Variants in TNRC6C observed in about 807,000 individuals in gnomAD.
TNRC6C encodes the protein trinucleotide repeat-containing gene 6C protein.
Under a neutral mutation model 153.7 loss-of-function variants are expected in TNRC6C, and 20 were observed. That is an observed-to-expected ratio of 0.13 (90% CI 0.09 to 0.19). The LOEUF (loss-of-function observed/expected upper bound fraction) is 0.19. TNRC6C is among the 10% of genes least tolerant of loss of function. The probability of loss-of-function intolerance (pLI) is 1.00; values close to 1 mark genes in which losing one functional copy is unlikely to be tolerated. For missense variants in TNRC6C, 1,987 were observed against 2,172.0 expected (o/e 0.91, Z 1.69); for synonymous variants, 811 against 841.4 (o/e 0.96, Z 0.63).
At chr17:78,102,400 A>G (rs767366566) in intron 17 of TNRC6C, 74 bp from the exon 21 acceptor site, 84 of 1,381,486 alleles carry the variant, frequency 6.1e-5, no homozygotes, top group Middle Eastern at 4.3e-4. Context: ...ACTTCAGCAC[A>G]ATAAGAAGTG....
chr17:78,093,229 T>C, intron 15 of TNRC6C, 105 bp downstream of exon 17: 1 of 1,260,242 alleles, frequency 7.9e-7, no homozygotes, highest in Non-Finnish European at 1.1e-6. Flanking sequence ...GCTAAGGATC[T>C]GGAAGCGTTA....
chr17:78,072,647 C>G (rs1306645059), intron 6 of TNRC6C, among the ~76,000 whole-genome samples: 1 of 152,136 alleles, frequency 6.6e-6, no homozygotes, highest in African/African-American at 2.4e-5. Flanking sequence ...CTTTGGGAGC[C>G]CAAGGCAGGA....
chr17:78,006,016 A>G (rs559257522), intron 1 of TNRC6C, among the ~76,000 whole-genome samples: 1 of 152,296 alleles, frequency 6.6e-6, no homozygotes, highest in South Asian at 2.1e-4. Context: ...ATGTAGACAC[A>G]TGCACTCTCA....
At chr17:77,986,537 C>T (rs927497960) in intron 1 of TNRC6C, among the ~76,000 whole-genome samples, 2 of 151,718 alleles carry the variant, frequency 1.3e-5, no homozygotes, top group Admixed American at 6.6e-5. Context: ...ATGTTTAAAG[C>T]AATTCTAATT....
intron 2 of TNRC6C, among the ~76,000 whole-genome samples, chr17:78,041,419 C>A (rs1414226700): frequency 6.6e-6 from 1 of 152,150 alleles, no homozygotes; most frequent in African/African-American, 2.4e-5. Context: ...CCTCCTTTGC[C>A]CCCAGTTTCC....
intron 1 of TNRC6C, among the ~76,000 whole-genome samples, chr17:77,982,684 A>T (rs2071097416): frequency 1.3e-5 from 2 of 152,126 alleles, no homozygotes; most frequent in African/African-American, 4.8e-5. Flanking sequence ...ATAAAAAATC[A>T]GCTGGGTGTG....
chr17:78,018,850 G>A (rs2071779781), intron 1 of TNRC6C, among the ~76,000 whole-genome samples: 1 of 152,052 alleles, frequency 6.6e-6, no homozygotes, highest in Admixed American at 6.6e-5. Context: ...GAGAGAAGCT[G>A]GATGGCATCA....
intron 1 of TNRC6C, among the ~76,000 whole-genome samples, chr17:77,965,319 A>C (rs1486717517): frequency 6.6e-6 from 1 of 152,204 alleles, no homozygotes; most frequent in African/African-American, 2.4e-5. Context: ...CCAGCTGCCA[A>C]TATTAACTGA....
At position 78,065,404 on chromosome 17, in the gene TNRC6C, A is replaced by G. The variant is rs1349397717; in HGVS notation, c.2611+467A>G. Reference sequence around the variant, plus strand: ...ATAAAATATTTGCCATGCCTGATACATGAACACAAAGGAGCTTTTAAGAGA... The same window carrying G: ...ATAAAATATTTGCCATGCCTGATACGTGAACACAAAGGAGCTTTTAAGAGA... On this transcript the variant is annotated intron_variant, in intron 4 of 19. Transcript: ENST00000301624. Among the ~76,000 whole-genome samples, 3 of 152,148 alleles carry G rather than the reference A, an allele frequency of 2.0e-5. No homozygotes were observed. In the East Asian group the frequency reaches 5.8e-4, roughly 29 times the overall value.
Position 78,079,563 on chromosome 17 carries a change from G to A in TNRC6C, c.3357+22G>A. The A allele has an allele frequency of 6.2e-7, 1 of 1,612,942 alleles. No homozygotes were observed. The highest frequency in any genetic ancestry group is 1.1e-5 in the South Asian group (1 of 91,046). On this transcript the variant is annotated intron_variant, in intron 10 of 19. Transcript: ENST00000301624. This position sits in a 1 kb window ranked among gnomAD's most constrained non-coding sequence, Gnocchi z 4.3. ...TCAGGTCAGACCCACATCCAAGCAG[G>A]ACTGAGCAACAGGATATAGATGCCA...
At chr17:78,069,874 G>A (rs533816092) in intron 5 of TNRC6C, among the ~76,000 whole-genome samples, 18 of 152,302 alleles carry the variant, frequency 1.2e-4, no homozygotes, top group African/African-American at 3.9e-4. Context: ...GCATGCACAC[G>A]TAGTGTATCA....
intron 1 of TNRC6C, among the ~76,000 whole-genome samples, chr17:77,997,771 C>T (rs1181833576): frequency 6.6e-6 from 1 of 152,118 alleles, no homozygotes; most frequent in Non-Finnish European, 1.5e-5. Context: ...ACTCCTGCCT[C>T]AGCCTCCCGA....
In TNRC6C at chr17:78,035,006, C is replaced by G. The variant is rs534599169; in HGVS notation, c.-219+3164C>G. Among the ~76,000 whole-genome samples the G allele has an allele frequency of 7.9e-5, 12 of 151,034 alleles. 3 individuals are homozygous for G. Among genetic ancestry groups the G allele is most frequent in the African/African-American group, 3.0e-4 (12 of 40,376 alleles). On this transcript the variant is annotated intron_variant, in intron 2 of 19. Transcript: ENST00000301624. The stretch of plus-strand genomic sequence containing the variant: ...CTATGACTAAGCAGAATGGGAAAAT[C>G]TCTGAACCATAGGTGAGGACTTGGA...
At chr17:78,062,846 A>G (rs181327902) in intron 3 of TNRC6C, among the ~76,000 whole-genome samples, 158 of 152,336 alleles carry the variant, frequency 1.0e-3, no homozygotes, top group Non-Finnish European at 5.6e-4. Context: ...CAAAAACTTA[A>G]CTACTTGACC....
chr17:78,055,889 AG>A lies in TNRC6C; in HGVS notation c.2395+4433del, dbSNP rs2072643958. On this transcript the variant is annotated intron_variant, in intron 3 of 19. Coordinates refer to ENST00000301624, the Ensembl canonical transcript of TNRC6C. Reference sequence around the variant, plus strand: ...TACATATGTGGGAGGGAGATGGTGAAGTCTCAGATGTGTAATATATACCATG... The same window carrying A: ...TACATATGTGGGAGGGAGATGGTGAATCTCAGATGTGTAATATATACCATG... Among the ~76,000 whole-genome samples, 3 of 152,244 alleles carry A rather than the reference AG, an allele frequency of 2.0e-5. No homozygotes were observed. The South Asian group carries it at 6.2e-4, about 31-fold the overall frequency.
chr17:78,108,378 G>T (rs2073746225), exon 20 of TNRC6C: 1 of 154,872 alleles, frequency 6.5e-6, no homozygotes, highest in South Asian at 2.0e-4. Flanking sequence ...AAAGAAGGAA[G>T]CTGGGAATGA....
At chr17:78,070,184 A>C (rs1298353615) in intron 5 of TNRC6C, among the ~76,000 whole-genome samples, 1 of 152,158 alleles carries the variant, frequency 6.6e-6, no homozygotes, top group Non-Finnish European at 1.5e-5. Context: ...GCTGGCAAAT[A>C]ATCCAGTTAA....
At chr17:78,020,763 T>G (rs1307147986) in intron 1 of TNRC6C, among the ~76,000 whole-genome samples, 4 of 152,132 alleles carry the variant, frequency 2.6e-5, no homozygotes, top group Non-Finnish European at 5.9e-5. Flanking sequence ...GTATTTCTCT[T>G]TTTTTTGGTG....
intron 16 of TNRC6C, 82 bp from the exon 19 acceptor site, chr17:78,097,663 T>C (rs1311720539): frequency 2.0e-5 from 19 of 971,864 alleles, no homozygotes; most frequent in East Asian, 2.8e-5. Context: ...GGTTGATTCC[T>C]GATGGTTCTC....
Sources: gnomAD v4.1 joint callset for allele counts (sites outside exome capture counted in the v4.1 genomes callset) on GRCh38, gnomAD v4.1.1 for gene constraint, Gnocchi (gnomAD v3.1) non-coding constraint, MANE v1.5 for transcripts, NCBI Gene and HGNC (gene_info 2026-07-23, HGNC 2026-07-21) for gene names.